The following GLIS3 variants were observed in gnomAD, a reference collection of about 807,000 sequenced individuals.
GLIS3 encodes the protein GLIS family zinc finger 3, also known as zinc finger protein GLIS3.
GLIS3 carries 53 observed loss-of-function variants against 78.6 expected under a neutral mutation model. That is an observed-to-expected ratio of 0.67 (90% CI 0.54 to 0.85). The LOEUF (loss-of-function observed/expected upper bound fraction) is 0.85, where lower values mean the gene tolerates loss of function less well. GLIS3 is among the 40% of genes least tolerant of loss of function. The probability of loss-of-function intolerance (pLI) is 0.00; values close to 1 mark genes in which losing one functional copy is unlikely to be tolerated. For missense variants in GLIS3, 1,703 were observed against 1,231.1 expected (o/e 1.38, Z -5.74); for synonymous variants, 684 against 509.9 (o/e 1.34, Z -4.60).
chr9:4,440,913 T>A, the GLIS3 span, among the ~76,000 whole-genome samples: 1 of 152,168 alleles, frequency 6.6e-6, no homozygotes, highest in African/African-American at 2.4e-5. Flanking sequence ...TTTTGGTAGT[T>A]ATTATAAATA....
chr9:3,942,857 T>C (rs1816029896), intron 4 of GLIS3, among the ~76,000 whole-genome samples: 1 of 152,142 alleles, frequency 6.6e-6, no homozygotes, highest in South Asian at 2.1e-4. Context: ...AGATACAGTT[T>C]GGTGGGATTT....
intron 8 of GLIS3, among the ~76,000 whole-genome samples, chr9:3,863,289 A>G (rs758046949): frequency 2.0e-5 from 3 of 152,222 alleles, no homozygotes; most frequent in Non-Finnish European, 4.4e-5. Flanking sequence ...ACTCAGTTCA[A>G]TCCAGATTTG....
the GLIS3 span, among the ~76,000 whole-genome samples, chr9:4,463,615 G>A: frequency 6.6e-6 from 1 of 152,122 alleles, no homozygotes; most frequent in Non-Finnish European, 1.5e-5. Context: ...TGTTTTAGGA[G>A]AATACACTTA....
intron 9 of GLIS3, among the ~76,000 whole-genome samples, chr9:3,834,162 C>G (rs751368505): frequency 3.3e-5 from 5 of 152,114 alleles, no homozygotes; most frequent in Non-Finnish European, 7.4e-5. Context: ...CTTTTAGTCA[C>G]GGAGTCACTA....
rs1353830872 is a variant in GLIS3 at position 4,118,968 on chromosome 9, T to A, written c.597-87A>T. ...GCTTAAGAGCTAAAAGAACACTGCA[T>A]TGACAATCCCTTAAGTATTTCCCCT... On this transcript the variant is annotated intron_variant, in intron 3 of 10. Coordinates refer to ENST00000381971, the MANE Select transcript of GLIS3 (RefSeq NM_001042413.2). This position sits in a 1 kb window ranked among gnomAD's most constrained non-coding sequence, Gnocchi z 4.7. 7.4e-7 allele frequency: 1 copy of A among 1,349,874 alleles called. No individual in the cohort carries two copies. The highest frequency in any genetic ancestry group is 1.0e-6 in the Non-Finnish European group (1 of 976,210). 83.6% of individuals were successfully genotyped at this position (1,349,874 alleles called of 1,614,324 possible).
At chr9:4,442,454 C>T in the GLIS3 span, among the ~76,000 whole-genome samples, 1 of 152,100 alleles carries the variant, frequency 6.6e-6, no homozygotes, top group Non-Finnish European at 1.5e-5. Flanking sequence ...CATCCAGTGG[C>T]AAGTTTACCA....
At chr9:4,094,944 A>C (rs1829822005) in intron 4 of GLIS3, among the ~76,000 whole-genome samples, 1 of 152,136 alleles carries the variant, frequency 6.6e-6, no homozygotes, top group Non-Finnish European at 1.5e-5. Flanking sequence ...GCACATAGTG[A>C]TGTTTCAATA....
chr9:4,050,250 T>A (rs921056359), intron 4 of GLIS3, among the ~76,000 whole-genome samples: 11 of 152,168 alleles, frequency 7.2e-5, no homozygotes, highest in Admixed American at 1.3e-4. Flanking sequence ...ATATACCCCA[T>A]GGAATACTAT....
intron 2 of GLIS3, among the ~76,000 whole-genome samples, chr9:4,157,328 G>A (rs1015241222): frequency 6.6e-6 from 1 of 152,096 alleles, no homozygotes; most frequent in Admixed American, 6.5e-5. Flanking sequence ...CACCAAAGCA[G>A]GACTGATTTT....
intron 2 of GLIS3, among the ~76,000 whole-genome samples, chr9:4,186,902 G>A (rs1204009985): frequency 6.6e-6 from 1 of 152,116 alleles, no homozygotes; most frequent in Non-Finnish European, 1.5e-5. Flanking sequence ...TTAGCCCTAT[G>A]TCAGATGAGT....
intron 8 of GLIS3, among the ~76,000 whole-genome samples, chr9:3,864,525 C>T (rs928323319): frequency 6.6e-6 from 1 of 152,208 alleles, no homozygotes; most frequent in African/African-American, 2.4e-5. Context: ...ACGCAGTACT[C>T]CTGCCAAGTG....
At chr9:4,401,571 C>CTTT in the GLIS3 span, among the ~76,000 whole-genome samples, 1 of 120,668 alleles carries the variant, frequency 8.3e-6, no homozygotes, top group African/African-American at 3.0e-5. Flanking sequence ...TCCTTTCTTT[C>CTTT]TTTTTTTTTT....
chr9:3,894,055 T>C (rs1296695106), intron 7 of GLIS3, among the ~76,000 whole-genome samples: 2 of 152,228 alleles, frequency 1.3e-5, no homozygotes, highest in Admixed American at 1.3e-4. Flanking sequence ...TTCAAAGGAA[T>C]GCTTCACACA....
intron 4 of GLIS3, among the ~76,000 whole-genome samples, chr9:4,006,026 T>C (rs994930489): frequency 6.6e-6 from 1 of 152,172 alleles, no homozygotes; most frequent in African/African-American, 2.4e-5. Context: ...ACACAGGCCC[T>C]TCCTTACCTG....
chr9:4,143,212 G>C (rs576120763), intron 2 of GLIS3, among the ~76,000 whole-genome samples: 3 of 152,092 alleles, frequency 2.0e-5, no homozygotes, highest in Admixed American at 1.3e-4. Context: ...ACCTTACATG[G>C]TTACCTTTGC....
the GLIS3 span, among the ~76,000 whole-genome samples, chr9:4,372,157 G>C: frequency 6.6e-6 from 1 of 152,182 alleles, no homozygotes; most frequent in East Asian, 1.9e-4. Context: ...AATTAGTCTA[G>C]AAAGAATTCC....
chr9:4,318,909 T>C (rs1047095058), intron 2 of GLIS3, among the ~76,000 whole-genome samples: 1 of 152,238 alleles, frequency 6.6e-6, no homozygotes, highest in Non-Finnish European at 1.5e-5. Context: ...AGTGACATCA[T>C]GTGCCTCCCG....
At chr9:4,354,201 A>T in the GLIS3 span, among the ~76,000 whole-genome samples, 7 of 152,128 alleles carry the variant, frequency 4.6e-5, no homozygotes, top group African/African-American at 1.7e-4. Flanking sequence ...TAAACTTGCA[A>T]ATCAGACAAT....
At chr9:4,487,976 G>A in the GLIS3 span, among the ~76,000 whole-genome samples, 1 of 152,176 alleles carries the variant, frequency 6.6e-6, no homozygotes, top group African/African-American at 2.4e-5. Context: ...ATAATTGTGA[G>A]CCAACACGCC....
Sources: gnomAD v4.1 joint callset for allele counts (sites outside exome capture counted in the v4.1 genomes callset) on GRCh38, gnomAD v4.1.1 for gene constraint, Gnocchi (gnomAD v3.1) non-coding constraint, MANE v1.5 for transcripts, NCBI Gene and HGNC (gene_info 2026-07-23, HGNC 2026-07-21) for gene names.